The following ERC1 variants were observed in gnomAD, a reference collection of about 807,000 sequenced individuals.
ERC1 encodes the protein RAB6 interacting protein 2.
Under a neutral mutation model 132.0 loss-of-function variants are expected in ERC1, and 56 were observed. The ratio of observed to expected loss-of-function variants is 0.42; its 90% CI spans 0.34 to 0.53. ERC1 has a LOEUF of 0.53. Among genes scored for constraint, ERC1 ranks in the 20% least tolerant of loss-of-function variants. The pLI, the probability that ERC1 is intolerant of heterozygous loss-of-function variation, is 0.03. For missense variants in ERC1, 1,202 were observed against 1,349.9 expected, an observed-to-expected ratio of 0.89 and a Z score of 1.72; for synonymous variants, 478 against 476.1, an observed-to-expected ratio of 1.00 and a Z score of -0.05.
intron 8 of ERC1, among the ~76,000 whole-genome samples, chr12:1,168,186 T>A (rs1283408652): frequency 6.6e-6 from 1 of 152,156 alleles, no homozygotes; most frequent in Non-Finnish European, 1.5e-5. Flanking sequence ...AGTGGTGCGA[T>A]CGTGGCTCAC....
At chr12:1,442,638 A>C (rs563360823) in intron 17 of ERC1, among the ~76,000 whole-genome samples, 96 of 152,376 alleles carry the variant, frequency 6.3e-4, no homozygotes, top group African/African-American at 2.0e-3. Flanking sequence ...AGATTGTTTT[A>C]GCCACTAAGC....
intron 3 of ERC1, among the ~76,000 whole-genome samples, chr12:1,095,563 A>G (rs548656607): frequency 6.6e-6 from 1 of 151,764 alleles, no homozygotes; most frequent in Non-Finnish European, 1.5e-5. Context: ...AAAGACAAAT[A>G]GACTATATAA....
At chr12:1,485,048 A>G (rs1349306260) in intron 18 of ERC1, among the ~76,000 whole-genome samples, 7 of 145,136 alleles carry the variant, frequency 4.8e-5, no homozygotes, top group Non-Finnish European at 9.0e-5. Context: ...ACACCTGACT[A>G]ATTTTTTTGT....
At chr12:1,247,524 T>C (rs1239656537) in intron 13 of ERC1, among the ~76,000 whole-genome samples, 1 of 152,240 alleles carries the variant, frequency 6.6e-6, no homozygotes, top group Non-Finnish European at 1.5e-5. Flanking sequence ...CTCAGCACTT[T>C]TAATCACCCA....
chr12:1,267,230 C>G lies in ERC1; in HGVS notation c.2619+4065C>G, dbSNP rs73027483. The stretch of plus-strand genomic sequence containing the variant: ...ATCCCCACAGGGGAGAACCCAACAG[C>G]TCCTTTACTTTTGCTTTGTCCCTTT... On this transcript the variant is annotated intron_variant, in intron 14 of 18. Transcript: ENST00000360905. Among the ~76,000 whole-genome samples the G allele has an allele frequency of 3.6e-3, 545 of 152,378 alleles. 3 individuals carry two copies. Among genetic ancestry groups the G allele is most frequent in the Non-Finnish European group, 5.8e-3 (395 of 68,038 alleles).
At chr12:1,484,317 A>AAT (rs1555128489) in intron 18 of ERC1, among the ~76,000 whole-genome samples, 1 of 151,886 alleles carries the variant, frequency 6.6e-6, no homozygotes, top group African/African-American at 2.4e-5. Context: ...AAAAAAAAAA[A>AAT]TTCTTTGTTC....
chr12:1,265,766 G>A (rs1299553154), intron 14 of ERC1, among the ~76,000 whole-genome samples: 1 of 152,166 alleles, frequency 6.6e-6, no homozygotes, highest in African/African-American at 2.4e-5. Context: ...TACTGCCTCT[G>A]TAGTTTTGCC....
chr12:1,045,503 T>G (rs1970947544), intron 2 of ERC1, among the ~76,000 whole-genome samples: 1 of 152,098 alleles, frequency 6.6e-6, no homozygotes, highest in Admixed American at 6.5e-5. Flanking sequence ...TTATAGAACA[T>G]TTATAGATAC....
intron 11 of ERC1, among the ~76,000 whole-genome samples, chr12:1,185,203 C>T (rs1372694916): frequency 6.6e-6 from 1 of 151,824 alleles, no homozygotes; most frequent in African/African-American, 2.4e-5. Context: ...GCCACCACAC[C>T]TGGCCTTTTG....
rs752925400 is a variant in ERC1, at chr12:1,492,667, ATCTG to A, written c.*2442_*2445del. On this transcript the variant is annotated 3_prime_UTR_variant, in exon 19 of 19. Transcript: ENST00000360905. ...AAGAAGCATTTCCGGGACCGATATC[ATCTG>A]TCTGGTCTCTGTGAACAGCAAGGAA... 19 of 232,776 alleles carry A rather than the reference ATCTG, an allele frequency of 8.2e-5. No homozygotes were observed. The highest frequency in any genetic ancestry group is 1.4e-4 in the Non-Finnish European group (16 of 117,794). 14.4% of individuals were successfully genotyped at this position (232,776 alleles called of 1,614,324 possible). A position where few individuals can be genotyped will look rare whatever the true frequency, so the allele number is the denominator to read the frequency against.
At chr12:1,216,186 C>G (rs1185312501) in intron 12 of ERC1, among the ~76,000 whole-genome samples, 1 of 152,142 alleles carries the variant, frequency 6.6e-6, no homozygotes, top group South Asian at 2.1e-4. Context: ...TTATTCTTCT[C>G]TCCCATCTCA....
chr12:1,042,735 C>G (rs1970460566), intron 2 of ERC1, among the ~76,000 whole-genome samples: 1 of 151,902 alleles, frequency 6.6e-6, no homozygotes, highest in Non-Finnish European at 1.5e-5. Flanking sequence ...TTTTTGGGAA[C>G]TAAGTTTGTT....
chr12:1,245,391 T>G (rs1484852104), intron 13 of ERC1, among the ~76,000 whole-genome samples: 1 of 152,214 alleles, frequency 6.6e-6, no homozygotes, highest in African/African-American at 2.4e-5. Context: ...TGTCACTTCT[T>G]TTGTTGATCA....
At chr12:1,056,302 CGTT>C (rs1242244064) in intron 2 of ERC1, among the ~76,000 whole-genome samples, 1 of 152,018 alleles carries the variant, frequency 6.6e-6, no homozygotes, top group African/African-American at 2.4e-5. Context: ...GAAGAAGTGT[CGTT>C]GTCTGTCATT....
At chr12:1,243,303 C>T (rs893087527) in intron 13 of ERC1, among the ~76,000 whole-genome samples, 8 of 151,882 alleles carry the variant, frequency 5.3e-5, no homozygotes, top group African/African-American at 7.3e-5. Context: ...CAGGGACTTG[C>T]GCATCTGTGG....
At chr12:1,419,866 A>C (rs1318476500) in intron 17 of ERC1, among the ~76,000 whole-genome samples, 1 of 4,962 alleles carries the variant, frequency 2.0e-4, no homozygotes, top group Admixed American at 4.0e-3. Context: ...TTTTCTGGCA[A>C]AAAAAAAAAA....
At chr12:1,234,070 G>A (rs556527726) in intron 12 of ERC1, among the ~76,000 whole-genome samples, 1 of 152,294 alleles carries the variant, frequency 6.6e-6, no homozygotes, top group African/African-American at 2.4e-5. Flanking sequence ...AACGTATAAT[G>A]TACATAGAAA....
chr12:1,083,483 A>G lies in ERC1; in HGVS notation c.989A>G (p.His330Arg). The G allele has an allele frequency of 6.2e-7, 1 of 1,614,196 alleles. No homozygotes were observed. Among genetic ancestry groups the G allele is most frequent in the Non-Finnish European group, 8.5e-7 (1 of 1,180,010 alleles). ...TCTGCCAAGGCTACCGAGGAAGACC[A>G]TGAGAGAACAAGACGACTGGCAGAG... ...GLSAKATEED[H>R]ERTRRLAEAE... is the part of the protein sequence containing the mutation. Residue 330 changes from histidine (H) to arginine (R), a missense_variant, in exon 3 of 19, where the codon CAT (histidine) becomes CGT (arginine). Coordinates refer to ENST00000360905, the MANE Select transcript of ERC1 (RefSeq NM_178040.4).
rs1461623555 is a variant in ERC1 at position 1,180,758 on chromosome 12, T to A, written c.1875+81T>A. The A allele has an allele frequency of 1.3e-5, 20 of 1,533,908 alleles. No homozygotes were observed. In the African/African-American group the frequency reaches 2.8e-4, roughly 22 times the overall value. ...GACTGGATATAGAATACAAAAGAAA[T>A]CCCTGTGGGCACAAGGGAAAAGAGC... On this transcript the variant is annotated intron_variant, in intron 9 of 18. Coordinates refer to ENST00000360905, the MANE Select transcript of ERC1 (RefSeq NM_178040.4).
Sources: gnomAD v4.1 joint callset for allele counts (sites outside exome capture counted in the v4.1 genomes callset) on GRCh38, gnomAD v4.1.1 for gene constraint, MANE v1.5 for transcripts, NCBI Gene and HGNC (gene_info 2026-07-23, HGNC 2026-07-21) for gene names.